The following FAF1 variants were observed in gnomAD, a reference collection of about 807,000 sequenced individuals.
The protein encoded by FAF1 is Fas associated factor 1, also known as FAS-associated factor 1.
A neutral mutation model predicts 92.5 loss-of-function variants in FAF1; 25 were observed. The ratio of observed to expected loss-of-function variants is 0.27; its 90% CI spans 0.20 to 0.38. The LOEUF is 0.38. Among genes scored for constraint, FAF1 ranks in the 10% least tolerant of loss-of-function variants. FAF1 has a pLI of 1.00. For synonymous variants in FAF1, 234 were observed against 273.2 expected (o/e 0.86, Z 1.42); for missense variants, 636 against 793.3 (o/e 0.80, Z 2.38).
chr1:50,768,500 A>G (rs768812912), intron 4 of FAF1, among the ~76,000 whole-genome samples: 3 of 152,166 alleles, frequency 2.0e-5, no homozygotes, highest in Admixed American at 6.5e-5. Flanking sequence ...TCATCTGTAC[A>G]TGGTACATAC....
chr1:50,766,806 A>AAAC (rs1660591275), intron 4 of FAF1, among the ~76,000 whole-genome samples: 1 of 151,334 alleles, frequency 6.6e-6, no homozygotes, highest in Admixed American at 6.6e-5. Context: ...AAAAAAAAAA[A>AAAC]AAAAAACCAC....
At chr1:50,664,518 C>T (rs1011395928) in intron 7 of FAF1, among the ~76,000 whole-genome samples, 2 of 149,146 alleles carry the variant, frequency 1.3e-5, no homozygotes, top group Non-Finnish European at 2.9e-5. Context: ...AGGCTGGGGG[C>T]GGTGGCTCAT....
intron 2 of FAF1, among the ~76,000 whole-genome samples, chr1:50,815,756 G>A (rs952880570): frequency 6.6e-6 from 1 of 152,140 alleles, no homozygotes; most frequent in Non-Finnish European, 1.5e-5. Context: ...GGGCACGGTG[G>A]CTCATGCCTG....
intron 1 of FAF1, among the ~76,000 whole-genome samples, chr1:50,955,325 T>C (rs1645256905): frequency 6.6e-6 from 1 of 152,266 alleles, no homozygotes; most frequent in African/African-American, 2.4e-5. Flanking sequence ...CAATGCTGCC[T>C]GCTTTTTTAA....
At chr1:50,689,427 AG>A (rs1375908708) in intron 7 of FAF1, among the ~76,000 whole-genome samples, 1 of 152,124 alleles carries the variant, frequency 6.6e-6, no homozygotes, top group Non-Finnish European at 1.5e-5. Flanking sequence ...TACTAAACAT[AG>A]AAAAAATTGG....
chr1:50,892,429 T>C (rs1225999827), intron 1 of FAF1, among the ~76,000 whole-genome samples: 2 of 152,192 alleles, frequency 1.3e-5, no homozygotes, highest in Non-Finnish European at 2.9e-5. Flanking sequence ...CCATCTTCTG[T>C]GTCGCTCACA....
intron 7 of FAF1, among the ~76,000 whole-genome samples, chr1:50,666,398 G>C (rs1287868902): frequency 6.6e-6 from 1 of 151,926 alleles, no homozygotes; most frequent in Non-Finnish European, 1.5e-5. Flanking sequence ...GTAGAGAGGA[G>C]GTATCATTAT....
rs570205879 is a variant in FAF1 at position 50,567,181 on chromosome 1, G to T, written c.1164C>A (p.Asn388Lys). Residue 388 changes from asparagine (N) to lysine (K), a missense_variant, in exon 13 of 19, where the codon AAC becomes AAA. Physicochemically the swap from Asn to Lys is moderately conservative, Grantham distance 94. This residue lies in a region of FAF1 where 319 missense variants were observed against 451.0 expected (regional missense o/e 0.71). Coordinates refer to ENST00000396153, the MANE Select transcript of FAF1 (RefSeq NM_007051.3). ...CACAAAGCATTTGTGAGCAGAACAC[G>T]TTGGTTAACACACTTTCATCATGGT... is the stretch of plus-strand genomic sequence containing the variant. Reference protein sequence around the residue: ...YLHHDESVLTNVFCSQMLCAE... With the variant: ...YLHHDESVLTKVFCSQMLCAE... The T allele has an allele frequency of 6.2e-7, 1 of 1,610,574 alleles. No individual in the cohort carries two copies. The highest frequency in any genetic ancestry group is 8.5e-7 in the Non-Finnish European group (1 of 1,177,674).
At chr1:50,812,269 C>A (rs1052016903) in intron 2 of FAF1, among the ~76,000 whole-genome samples, 1 of 152,020 alleles carries the variant, frequency 6.6e-6, no homozygotes, top group Non-Finnish European at 1.5e-5. Flanking sequence ...AATCACACAA[C>A]CAATGGAATG....
chr1:50,502,888 T>C (rs991782594), intron 15 of FAF1, among the ~76,000 whole-genome samples: 4 of 152,174 alleles, frequency 2.6e-5, no homozygotes, highest in South Asian at 2.1e-4. Flanking sequence ...GGCATGACCA[T>C]AGCTCACTGC....
intron 1 of FAF1, among the ~76,000 whole-genome samples, chr1:50,920,405 A>G (rs190064070): frequency 4.0e-4 from 61 of 152,284 alleles, no homozygotes; most frequent in African/African-American, 1.1e-3. Flanking sequence ...CCCAAGTACT[A>G]CTGCAGATGA....
intron 7 of FAF1, among the ~76,000 whole-genome samples, chr1:50,690,289 T>G (rs1013039787): frequency 1.3e-5 from 2 of 152,112 alleles, no homozygotes; most frequent in African/African-American, 4.8e-5. Flanking sequence ...CCCGGCAAAT[T>G]ACATTATATT....
At chr1:50,874,506 G>A (rs926557709) in intron 1 of FAF1, among the ~76,000 whole-genome samples, 7 of 151,874 alleles carry the variant, frequency 4.6e-5, no homozygotes, top group African/African-American at 1.5e-4. Flanking sequence ...GACTACAGGC[G>A]AGCACCACCA....
intron 1 of FAF1, among the ~76,000 whole-genome samples, chr1:50,901,939 T>C (rs1415833213): frequency 6.6e-6 from 1 of 152,220 alleles, no homozygotes; most frequent in Non-Finnish European, 1.5e-5. Context: ...GCAGATCTTT[T>C]AGAACAGCTC....
intron 6 of FAF1, chr1:50,714,865 G>C: frequency 4.3e-6 from 1 of 230,822 alleles, no homozygotes; most frequent in African/African-American, 2.3e-5. Context: ...CTTGATTTCA[G>C]AGCAGACGTA....
intron 1 of FAF1, among the ~76,000 whole-genome samples, chr1:50,884,998 T>C (rs1353674817): frequency 1.3e-5 from 2 of 152,202 alleles, no homozygotes; most frequent in Middle Eastern, 3.2e-3. Context: ...TGGTTGAATC[T>C]TGGAAGGTTT....
At chr1:50,903,825 C>T (rs1464402901) in intron 1 of FAF1, among the ~76,000 whole-genome samples, 1 of 152,154 alleles carries the variant, frequency 6.6e-6, no homozygotes, top group Non-Finnish European at 1.5e-5. Flanking sequence ...TTTCTAGTCT[C>T]CTGCTGGCTT....
chr1:50,917,641 A>T (rs1644928835), intron 1 of FAF1, among the ~76,000 whole-genome samples: 2 of 99,402 alleles, frequency 2.0e-5, no homozygotes, highest in African/African-American at 6.7e-5. Context: ...AAGGAAAGGA[A>T]AGGAAAGGAA....
chr1:50,898,653 A>C (rs1012842020), intron 1 of FAF1, among the ~76,000 whole-genome samples: 1 of 152,210 alleles, frequency 6.6e-6, no homozygotes, highest in African/African-American at 2.4e-5. Flanking sequence ...GACCACAAAA[A>C]ACTATACCAT....
Sources: allele counts gnomAD v4.1 joint callset (sites outside exome capture counted in the v4.1 genomes callset), GRCh38; gene constraint gnomAD v4.1.1; regional missense constraint gnomAD v4.1.1; transcripts MANE v1.5; gene names NCBI Gene and HGNC (gene_info 2026-07-23, HGNC 2026-07-21).